Variants in RANBP2 observed in about 807,000 individuals in gnomAD.
RANBP2 encodes E3 SUMO-protein ligase RanBP2.
A neutral mutation model predicts 303.6 loss-of-function variants in RANBP2; 57 were observed. That is an observed-to-expected ratio of 0.19 (90% CI 0.15 to 0.23). The LOEUF (loss-of-function observed/expected upper bound fraction) is 0.23. Ranked by LOEUF, RANBP2 falls within the 10% of genes least tolerant of loss-of-function variation. RANBP2 has a pLI of 1.00. For missense variants in RANBP2, 3,138 were observed against 3,780.8 expected, an observed-to-expected ratio of 0.83 and a Z score of 4.46; for synonymous variants, 1,167 against 1,301.5, an observed-to-expected ratio of 0.90 and a Z score of 2.23.
At chr2:109,721,233 C>T in the RANBP2 span, among the ~76,000 whole-genome samples, 305 of 152,322 alleles carry the variant, frequency 2.0e-3, 1 homozygote, top group South Asian at 6.0e-3. Context: ...TTTGTGTACA[C>T]GCTGCGGCTT....
At chr2:109,581,216 G>C in the RANBP2 span, among the ~76,000 whole-genome samples, 3 of 152,104 alleles carry the variant, frequency 2.0e-5, no homozygotes. Flanking sequence ...GAGGTGGGCA[G>C]ATCACCTGAG....
the RANBP2 span, chr2:108,816,237 G>C: frequency 3.2e-6 from 2 of 629,148 alleles, no homozygotes; most frequent in Non-Finnish European, 2.6e-6. Context: ...GATCACCTGA[G>C]GTCAGGAGTT....
chr2:109,232,813 GA>G, the RANBP2 span, among the ~76,000 whole-genome samples: 1 of 152,112 alleles, frequency 6.6e-6, no homozygotes, highest in African/African-American at 2.4e-5. Context: ...TTTTATACTT[GA>G]AAACTAAATT....
chr2:108,747,272 T>C (rs1489009882), intron 8 of RANBP2, among the ~76,000 whole-genome samples: 3 of 152,244 alleles, frequency 2.0e-5, no homozygotes, highest in Non-Finnish European at 2.9e-5. Flanking sequence ...CATTTTTGGC[T>C]TGGGATAAAT....
the RANBP2 span, among the ~76,000 whole-genome samples, chr2:108,975,645 G>A: frequency 2.0e-5 from 3 of 152,248 alleles, no homozygotes; most frequent in South Asian, 6.2e-4. Context: ...ATAGAGCCGG[G>A]GGAACAGGGG....
chr2:108,943,067 C>CT, the RANBP2 span, among the ~76,000 whole-genome samples: 5 of 152,162 alleles, frequency 3.3e-5, no homozygotes, highest in Admixed American at 1.3e-4. Context: ...TCAGAGTGGG[C>CT]TTTTTTTCCC....
chr2:109,699,262 A>C, the RANBP2 span, among the ~76,000 whole-genome samples: 2 of 150,884 alleles, frequency 1.3e-5, no homozygotes, highest in Non-Finnish European at 3.0e-5. Context: ...TTCTTTGCGC[A>C]TTTTCTTTAG....
the RANBP2 span, among the ~76,000 whole-genome samples, chr2:109,731,094 C>T: frequency 1.3e-5 from 2 of 151,868 alleles, no homozygotes; most frequent in South Asian, 2.1e-4. Context: ...GGCCAAGGGG[C>T]CTCTTTTATA....
the RANBP2 span, among the ~76,000 whole-genome samples, chr2:109,116,682 G>T: frequency 1.5e-3 from 228 of 152,338 alleles, 3 homozygotes; most frequent in Admixed American, 0.012. Flanking sequence ...GAGGAACTGC[G>T]TTCCTTTGGA....
At chr2:108,848,903 A>C in the RANBP2 span, among the ~76,000 whole-genome samples, 2 of 152,246 alleles carry the variant, frequency 1.3e-5, no homozygotes, top group African/African-American at 4.8e-5. Flanking sequence ...AGAACATAGA[A>C]TCTTAAATCA....
the RANBP2 span, among the ~76,000 whole-genome samples, chr2:109,372,930 G>A: frequency 6.6e-6 from 1 of 152,226 alleles, no homozygotes; most frequent in Non-Finnish European, 1.5e-5. Context: ...CCCGTTGCCT[G>A]CAGGATAAAG....
At chr2:109,539,711 G>T in the RANBP2 span, among the ~76,000 whole-genome samples, 1 of 152,178 alleles carries the variant, frequency 6.6e-6, no homozygotes, top group East Asian at 1.9e-4. Context: ...CCAAAGTGCT[G>T]GGATTACAGG....
chr2:109,465,926 C>A, the RANBP2 span, among the ~76,000 whole-genome samples: 1 of 152,148 alleles, frequency 6.6e-6, no homozygotes, highest in Non-Finnish European at 1.5e-5. Flanking sequence ...AGGATCCGTC[C>A]CCACGATCCA....
the RANBP2 span, among the ~76,000 whole-genome samples, chr2:108,825,022 T>TA: frequency 3.9e-5 from 6 of 152,350 alleles, no homozygotes; most frequent in Admixed American, 3.3e-4. Flanking sequence ...GTATGGAAGA[T>TA]ACAGTACACA....
At chr2:109,163,277 C>T in the RANBP2 span, among the ~76,000 whole-genome samples, 1 of 151,502 alleles carries the variant, frequency 6.6e-6, no homozygotes, top group African/African-American at 2.4e-5. Context: ...TTTGTTTCTT[C>T]TCTAATGAAA....
the RANBP2 span, among the ~76,000 whole-genome samples, chr2:109,371,348 C>T: frequency 6.6e-6 from 1 of 152,248 alleles, no homozygotes; most frequent in Non-Finnish European, 1.5e-5. Flanking sequence ...GGAGATTGCG[C>T]CACTGCACTC....
At chr2:109,437,308 A>G in the RANBP2 span, among the ~76,000 whole-genome samples, 1 of 152,054 alleles carries the variant, frequency 6.6e-6, no homozygotes, top group Non-Finnish European at 1.5e-5. Flanking sequence ...TGGCCCCAGA[A>G]TGTTGTGAGA....
At chr2:109,571,997 T>C in the RANBP2 span, among the ~76,000 whole-genome samples, 1 of 152,244 alleles carries the variant, frequency 6.6e-6, no homozygotes, top group African/African-American at 2.4e-5. Flanking sequence ...TGTTAATTTT[T>C]AAATAAGTTT....
the RANBP2 span, chr2:108,910,557 GA>G: frequency 1.3e-6 from 2 of 1,596,436 alleles, no homozygotes; most frequent in South Asian, 2.2e-5. Context: ...GGAGGTTGGG[GA>G]GATAGGAGTT....
Sources: gnomAD v4.1 joint callset for allele counts (sites outside exome capture counted in the v4.1 genomes callset) on GRCh38, gnomAD v4.1.1 for gene constraint, MANE v1.5 for transcripts, NCBI Gene and HGNC (gene_info 2026-07-23, HGNC 2026-07-21) for gene names.